SBNO2: variants seen among roughly 807,000 people sequenced by gnomAD.
The protein encoded by SBNO2 is strawberry notch homolog 2.
Under a neutral mutation model 146.3 loss-of-function variants are expected in SBNO2, and 89 were observed. The observed-to-expected ratio is 0.61, with a 90% CI of 0.51 to 0.73. SBNO2 has a LOEUF of 0.73. Ranked by LOEUF, SBNO2 falls within the 30% of genes least tolerant of loss-of-function variation. The pLI is 0.00. For synonymous variants in SBNO2, 1,147 were observed against 892.6 expected, an observed-to-expected ratio of 1.29 and a Z score of -5.08; for missense variants, 2,092 against 2,003.7, an observed-to-expected ratio of 1.04 and a Z score of -0.84.
chr19:1,149,533 G>A (rs1255029603), intron 2 of SBNO2, 91 bp from the exon 3 acceptor site: 2 of 1,193,188 alleles, frequency 1.7e-6, no homozygotes, highest in African/African-American at 1.5e-5. Flanking sequence ...CAGGCCGAGA[G>A]GCTAGGGAGG....
chr19:1,108,795 G>A lies in SBNO2; in HGVS notation c.3600C>T (p.Asp1200=), dbSNP rs760372726. 1 of 1,603,260 alleles carries A rather than the reference G, an allele frequency of 6.2e-7. No homozygotes were observed. The highest frequency in any genetic ancestry group is 1.1e-5 in the South Asian group (1 of 91,024). Residue 1200 remains aspartate, a synonymous_variant, in exon 31 of 32, where the codon GAC becomes GAT. Transcript: ENST00000361757. ...CCCACTCACCCACTTGCTTCTTCCT[G>A]TCCTTGGTCTTCAGCCGCACGATCT... is the stretch of plus-strand genomic sequence containing the variant. ...YLQIVRLKTK[D]RKKQVGIKIP... is the part of the protein sequence containing the mutation.
chr19:1,134,866 T>C (rs2080071258), intron 4 of SBNO2, among the ~76,000 whole-genome samples: 1 of 151,754 alleles, frequency 6.6e-6, no homozygotes, highest in Admixed American at 6.6e-5. Flanking sequence ...GCCAGCATGG[T>C]GAAACCCCGT....
Position 1,118,992 on chromosome 19 carries a change from G to T in SBNO2, c.1527+19C>A, listed in dbSNP as rs764490582. 3 of 1,568,978 alleles carry T rather than the reference G, an allele frequency of 1.9e-6. No homozygotes were observed. Among genetic ancestry groups the T allele is most frequent in the Non-Finnish European group, 2.6e-6 (3 of 1,158,476 alleles). ...CCGGGAAACGCACAGGGGTCCCCGG[G>T]TCGGGTGCGCAGGCTCACCAGCAGG... On this transcript the variant is annotated intron_variant, in intron 14 of 31. Transcript: ENST00000361757.
At chr19:1,159,775 G>A (rs1243362266) in intron 1 of SBNO2, among the ~76,000 whole-genome samples, 7 of 110,322 alleles carry the variant, frequency 6.3e-5, no homozygotes, top group South Asian at 3.6e-4. Flanking sequence ...ACAGCGGGGG[G>A]CAGTGGGGGA....
intron 4 of SBNO2, among the ~76,000 whole-genome samples, chr19:1,131,042 G>A (rs1442652363): frequency 6.6e-6 from 1 of 152,180 alleles, no homozygotes; most frequent in African/African-American, 2.4e-5. Context: ...AGCCAGGCCA[G>A]CTCCCCCCAC....
At position 1,112,675 on chromosome 19, in the gene SBNO2, C is replaced by T; in HGVS notation, c.2380-138G>A. 1 of 1,433,696 alleles carries T rather than the reference C, an allele frequency of 7.0e-7. No homozygotes were observed. The highest frequency in any genetic ancestry group is 9.2e-7 in the Non-Finnish European group (1 of 1,086,292). The allele number at this position is 1,433,696 out of a possible 1,614,324, so 88.8% of individuals were successfully genotyped here. A position where few individuals can be genotyped will look rare whatever the true frequency, so the allele number is the denominator to read the frequency against. ...GCGAGAGGCCTGCGGGGCGCGGACACCACCCGCCACACGGCCACTCGCGCC... is the reference window on the plus strand; with the variant it reads ...GCGAGAGGCCTGCGGGGCGCGGACATCACCCGCCACACGGCCACTCGCGCC... On this transcript the variant is annotated intron_variant, in intron 20 of 31. Coordinates refer to ENST00000361757, the MANE Select transcript of SBNO2 (RefSeq NM_014963.3). This position sits in a 1 kb window ranked among gnomAD's most constrained non-coding sequence, Gnocchi z 5.9.
At chr19:1,130,634 G>A (rs1200428312) in intron 4 of SBNO2, among the ~76,000 whole-genome samples, 1 of 151,782 alleles carries the variant, frequency 6.6e-6, no homozygotes, top group South Asian at 2.1e-4. Context: ...TCTACAGAAC[G>A]TTTAAAAATT....
chr19:1,111,474 C>T lies in SBNO2; in HGVS notation c.2809+32G>A, dbSNP rs753791543. On this transcript the variant is annotated intron_variant, in intron 24 of 31. Coordinates refer to ENST00000361757, the MANE Select transcript of SBNO2 (RefSeq NM_014963.3). ...GCCCAGTGCTCTGCAACCCCTGCCC[C>T]TCCCAGGAAGACCCCCACCAGCCCA... The T allele has an allele frequency of 4.8e-6, 7 of 1,471,132 alleles. No individual in the cohort carries two copies. The East Asian group carries it at 1.5e-4, about 31-fold the overall frequency. 91.1% of individuals were successfully genotyped at this position (1,471,132 alleles called of 1,614,324 possible).
rs1157477118 is a variant in SBNO2, at chr19:1,158,785, G to A, written c.-126-4383C>T. ...GAAGATGGCAAGGAGCAGGCCCCCG[G>A]GTGTCCCGGGAACCCCGCACAGAGC... On this transcript the variant is annotated intron_variant, in intron 1 of 31. Coordinates refer to ENST00000361757, the MANE Select transcript of SBNO2 (RefSeq NM_014963.3). This position sits in a 1 kb window ranked among gnomAD's most constrained non-coding sequence, Gnocchi z 9.9. 1.3e-5 allele frequency among the ~76,000 whole-genome samples: 2 copies of A among 152,140 alleles called. No homozygotes were observed. The highest frequency in any genetic ancestry group is 1.3e-4 in the Admixed American group (2 of 15,280).
intron 1 of SBNO2, among the ~76,000 whole-genome samples, chr19:1,154,762 C>T (rs2080273948): frequency 6.6e-6 from 1 of 152,164 alleles, no homozygotes; most frequent in African/African-American, 2.4e-5. Context: ...TGTCAGCAGC[C>T]GGTGTGAGAC....
At chr19:1,129,712 G>C (rs973257213) in intron 4 of SBNO2, among the ~76,000 whole-genome samples, 3 of 152,336 alleles carry the variant, frequency 2.0e-5, no homozygotes, top group South Asian at 2.1e-4. Context: ...CTCCTGAGTT[G>C]GTCAAGGCCC....
Position 1,110,711 on chromosome 19 carries a change from C to T in SBNO2, c.3028+34G>A. ...CGTTCCCACGAGCCCCGCACCCACA[C>T]CCACCCACACCACACCCCGGCACCT... On this transcript the variant is annotated intron_variant, in intron 26 of 31. Coordinates refer to ENST00000361757, the MANE Select transcript of SBNO2 (RefSeq NM_014963.3). This position sits in a 1 kb window ranked among gnomAD's most constrained non-coding sequence, Gnocchi z 4.9. 9 of 1,611,060 alleles carry T rather than the reference C, an allele frequency of 5.6e-6. No individual in the cohort carries two copies. The highest frequency in any genetic ancestry group is 7.6e-6 in the Non-Finnish European group (9 of 1,178,194).
chr19:1,166,615 GCGCACACA>G (rs749074423), intron 1 of SBNO2, among the ~76,000 whole-genome samples: 131 of 98,238 alleles, frequency 1.3e-3, no homozygotes, highest in Non-Finnish European at 1.6e-3. Context: ...GCAACTGCAC[GCGCACACA>G]CACACACACA....
Position 1,119,110 on chromosome 19 carries a change from G to A in SBNO2, c.1428C>T (p.Tyr476=). 1.9e-6 allele frequency: 3 copies of A among 1,604,644 alleles called. No homozygotes were observed. Among genetic ancestry groups the A allele is most frequent in the Non-Finnish European group, 2.5e-6 (3 of 1,176,734 alleles). Residue 476 remains tyrosine (Y), a synonymous_variant, in exon 14 of 32, where the codon TAC becomes TAT. Coordinates refer to ENST00000361757, the MANE Select transcript of SBNO2 (RefSeq NM_014963.3). ...VAMDMKVSGM[Y]IARQLSFSGV... ...CGGAGAAGCTGAGCTGGCGTGCGAT[G>A]TACATGCCGCTGACCTTCATGTCCA...
chr19:1,123,524 G>A lies in SBNO2; in HGVS notation c.628+10C>T, dbSNP rs368452310. On this transcript the variant is annotated intron_variant, in intron 7 of 31. Transcript: ENST00000361757. ...CCTGTCCCAGGGCTGGGTGCAGCCG[G>A]GCCACTCACACTTGGACGGCACGTA... 3.1e-6 allele frequency: 5 copies of A among 1,610,686 alleles called. No homozygotes were observed. Among genetic ancestry groups the A allele is most frequent in the Admixed American group, 1.7e-5 (1 of 59,978 alleles).
chr19:1,110,921 G>A lies in SBNO2; in HGVS notation c.2885-33C>T, dbSNP rs201592177. On this transcript the variant is annotated intron_variant, in intron 25 of 31. Transcript: ENST00000361757. The surrounding 1 kb of genome is among the most constrained non-coding windows in gnomAD (Gnocchi z 4.9). Reference sequence around the variant, plus strand: ...GGGAGGGAGCCAAGCCTCAGGCTGCGCTGGGAATCCCTCTCCCTGCTTTGC... The same window carrying A: ...GGGAGGGAGCCAAGCCTCAGGCTGCACTGGGAATCCCTCTCCCTGCTTTGC... 8.5e-5 allele frequency: 137 copies of A among 1,611,622 alleles called. No individual in the cohort carries two copies. In the African/African-American group the frequency reaches 1.2e-3, roughly 14 times the overall value.
rs749333859 is a variant in SBNO2, at chr19:1,113,603, G to C, written c.2179C>G (p.Arg727Gly). 6.3e-7 allele frequency: 1 copy of C among 1,597,256 alleles called. No homozygotes were observed. Among genetic ancestry groups the C allele is most frequent in the Non-Finnish European group, 8.5e-7 (1 of 1,174,132 alleles). The change falls in exon 19 of 32, where the codon CGG (arginine) becomes GGG (glycine). Residue 727 changes from arginine to glycine, a missense_variant. By Grantham distance (125) the Arg-to-Gly change is moderately radical. Coordinates refer to ENST00000361757, the MANE Select transcript of SBNO2 (RefSeq NM_014963.3). ...TCCAGGGTGTTGACTGGCAGTTCCCGGCCCAGCCGCCGCACTTTGTCCAGC... is the reference window on the plus strand; with the variant it reads ...TCCAGGGTGTTGACTGGCAGTTCCCCGCCCAGCCGCCGCACTTTGTCCAGC... The part of the protein sequence containing the change: ...DLLDKVRRLG[R>G]ELPVNTLDEL...
rs772643239 is a variant in SBNO2, at chr19:1,119,575, G to T, written c.1314C>A (p.Ile438=). The part of the protein sequence containing the change: ...RNMIYMSRLG[I]WGEGTPFRNF... ...TCCGGAAGGGTGTGCCCTCGCCCCAGATACCCAAGCGGCTCATGTAGATCA... is the reference window on the plus strand; with the variant it reads ...TCCGGAAGGGTGTGCCCTCGCCCCATATACCCAAGCGGCTCATGTAGATCA... Residue 438 remains isoleucine (I), a synonymous_variant, in exon 13 of 32, where the codon ATC becomes ATA. Transcript: ENST00000361757. 6.2e-7 allele frequency: 1 copy of T among 1,611,612 alleles called. No homozygotes were observed. Among genetic ancestry groups the T allele is most frequent in the African/African-American group, 1.3e-5 (1 of 74,912 alleles).
chr19:1,161,906 C>CGGGGGG (rs916715232), intron 1 of SBNO2, among the ~76,000 whole-genome samples: 4 of 1,342 alleles, frequency 3.0e-3, no homozygotes, highest in Non-Finnish European at 6.3e-3. Context: ...TGGGGAGCCG[C>CGGGGGG]GGGGGGGGGG....
Sources: allele counts gnomAD v4.1 joint callset (sites outside exome capture counted in the v4.1 genomes callset), GRCh38; gene constraint gnomAD v4.1.1; non-coding constraint Gnocchi (gnomAD v3.1); transcripts MANE v1.5; gene names NCBI Gene and HGNC (gene_info 2026-07-23, HGNC 2026-07-21).